The following ATL2 variants were observed in gnomAD, a reference collection of about 807,000 sequenced individuals.
ATL2 encodes atlastin-2.
Under a neutral mutation model 73.9 loss-of-function variants are expected in ATL2, and 31 were observed. The observed-to-expected ratio is 0.42, with a 90% CI of 0.32 to 0.57. The LOEUF (loss-of-function observed/expected upper bound fraction) is 0.57, where lower values mean the gene tolerates loss of function less well. ATL2 is among the 20% of genes least tolerant of loss of function. ATL2 has a pLI of 0.14. For synonymous variants in ATL2, 291 were observed against 237.5 expected, an observed-to-expected ratio of 1.23 and a Z score of -2.07; for missense variants, 738 against 702.6, an observed-to-expected ratio of 1.05 and a Z score of -0.57.
intron 2 of ATL2, among the ~76,000 whole-genome samples, chr2:38,325,667 CA>C (rs1668579270): frequency 4.6e-5 from 2 of 43,480 alleles, no homozygotes; most frequent in African/African-American, 5.3e-4. Flanking sequence ...CCAGTACACA[CA>C]CACACACACA....
At chr2:38,318,511 G>A (rs376776733) in intron 4 of ATL2, 24 bp downstream of exon 4, 29 of 1,501,672 alleles carry the variant, frequency 1.9e-5, no homozygotes, top group African/African-American at 9.9e-5. Context: ...TGAACTGATC[G>A]CACCACTTAA....
chr2:38,308,045 G>C (rs1443410412), intron 9 of ATL2, among the ~76,000 whole-genome samples: 1 of 152,144 alleles, frequency 6.6e-6, no homozygotes, highest in African/African-American at 2.4e-5. Context: ...GAACAGTTTG[G>C]GGGTTCCTCA....
intron 9 of ATL2, among the ~76,000 whole-genome samples, chr2:38,305,480 T>TA (rs1558389535): frequency 6.6e-6 from 1 of 151,742 alleles, no homozygotes; most frequent in African/African-American, 2.4e-5. Context: ...ACCTGGGAGG[T>TA]AGAGGTTGCA....
rs146391849 is a variant in ATL2 at position 38,318,574 on chromosome 2, T to G, written c.564A>C (p.Ala188=). 1 of 1,612,638 alleles carries G rather than the reference T, an allele frequency of 6.2e-7. No individual in the cohort carries two copies. The highest frequency in any genetic ancestry group is 8.5e-7 in the Non-Finnish European group (1 of 1,179,638). ...FDSQSTIKDC[A]TVFALSTMTS... ...TCATAGTGCTCAGAGCAAACACCGT[T>G]GCACAGTCTTTGATAGTTGACTGGC... Residue 188 remains alanine (A), a synonymous_variant, in exon 4 of 13, where the codon GCA becomes GCC. Coordinates refer to ENST00000378954, the MANE Select transcript of ATL2 (RefSeq NM_001135673.4).
chr2:38,340,969 C>G (rs1669679402), intron 2 of ATL2, among the ~76,000 whole-genome samples: 1 of 152,170 alleles, frequency 6.6e-6, no homozygotes, highest in Non-Finnish European at 1.5e-5. Context: ...AAGAGAGTTC[C>G]GTTTGTGCAG....
chr2:38,308,695 T>C (rs2148417577), intron 9 of ATL2, among the ~76,000 whole-genome samples: 1 of 152,176 alleles, frequency 6.6e-6, no homozygotes, highest in African/African-American at 2.4e-5. Flanking sequence ...TGTATGCCTG[T>C]ATCAAAAATA....
At chr2:38,333,844 T>G (rs562681296) in intron 2 of ATL2, among the ~76,000 whole-genome samples, 8 of 152,346 alleles carry the variant, frequency 5.3e-5, no homozygotes, top group African/African-American at 1.9e-4. Context: ...CCATCTCGTT[T>G]ATTTCTGATT....
chr2:38,296,629 G>C (rs1165327386), intron 12 of ATL2: 11 of 1,607,106 alleles, frequency 6.8e-6, no homozygotes, highest in African/African-American at 4.0e-5. Flanking sequence ...ATGAATCAGA[G>C]TGCCTCGAAG....
chr2:38,374,857 A>G (rs1310782556), intron 1 of ATL2, among the ~76,000 whole-genome samples: 1 of 152,224 alleles, frequency 6.6e-6, no homozygotes, highest in African/African-American at 2.4e-5. Context: ...TAAAGTTACA[A>G]TACAGTCACA....
At chr2:38,322,182 C>A (rs904277944) in intron 2 of ATL2, among the ~76,000 whole-genome samples, 28 of 146,890 alleles carry the variant, frequency 1.9e-4, no homozygotes, top group Admixed American at 1.7e-3. Context: ...CTCATTCCCC[C>A]ACAATGTCAA....
At chr2:38,354,390 T>C (rs556081074) in intron 1 of ATL2, among the ~76,000 whole-genome samples, 34 of 152,264 alleles carry the variant, frequency 2.2e-4, no homozygotes, top group Middle Eastern at 6.8e-3. Context: ...TTGATCAATG[T>C]GGGGTTTATA....
chr2:38,375,997 C>G, intron 1 of ATL2: 1 of 1,249,940 alleles, frequency 8.0e-7, no homozygotes, highest in East Asian at 2.6e-5. Context: ...TGGTTAACAT[C>G]ATACCAAAAT....
At chr2:38,304,268 A>G (rs1667338184) in intron 9 of ATL2, among the ~76,000 whole-genome samples, 1 of 152,258 alleles carries the variant, frequency 6.6e-6, no homozygotes, top group African/African-American at 2.4e-5. Flanking sequence ...CTGAAGAAAA[A>G]AAACATTTTT....
intron 2 of ATL2, among the ~76,000 whole-genome samples, chr2:38,320,282 C>T (rs182846990): frequency 1.3e-5 from 2 of 152,124 alleles, no homozygotes; most frequent in East Asian, 3.9e-4. Flanking sequence ...GTTTGGTGTG[C>T]TAATGATACT....
At chr2:38,337,654 T>G (rs1190630435) in intron 2 of ATL2, among the ~76,000 whole-genome samples, 2 of 151,784 alleles carry the variant, frequency 1.3e-5, no homozygotes. Flanking sequence ...AATTAATTGA[T>G]CACAGGGATT....
intron 2 of ATL2, among the ~76,000 whole-genome samples, chr2:38,339,760 G>A (rs984363504): frequency 6.6e-6 from 1 of 151,740 alleles, no homozygotes; most frequent in African/African-American, 2.4e-5. Context: ...GCACAATCTC[G>A]GCTCACTGCA....
chr2:38,307,757 G>A (rs1279798925), intron 9 of ATL2, among the ~76,000 whole-genome samples: 3 of 150,726 alleles, frequency 2.0e-5, no homozygotes, highest in Non-Finnish European at 3.0e-5. Context: ...CAACTCTACA[G>A]GGAAAAGAAA....
At chr2:38,334,664 C>T (rs1258467820) in intron 2 of ATL2, among the ~76,000 whole-genome samples, 1 of 151,218 alleles carries the variant, frequency 6.6e-6, no homozygotes. Context: ...CGCCATTGCA[C>T]TCCAGCCTGG....
intron 1 of ATL2, among the ~76,000 whole-genome samples, chr2:38,373,201 T>C (rs900715374): frequency 1.3e-5 from 2 of 152,140 alleles, no homozygotes; most frequent in Non-Finnish European, 1.5e-5. Flanking sequence ...TACATTATCC[T>C]CCCTATGATT....
Sources: allele counts gnomAD v4.1 joint callset (sites outside exome capture counted in the v4.1 genomes callset), GRCh38; gene constraint gnomAD v4.1.1; transcripts MANE v1.5; gene names NCBI Gene and HGNC (gene_info 2026-07-23, HGNC 2026-07-21).